The following ANKRD13C variants were observed in gnomAD, a reference collection of about 807,000 sequenced individuals.
The protein encoded by ANKRD13C is ankyrin repeat domain-containing protein 13C.
A neutral mutation model predicts 65.5 loss-of-function variants in ANKRD13C; 16 were observed. That is an observed-to-expected ratio of 0.24 (90% CI 0.17 to 0.37). The LOEUF (loss-of-function observed/expected upper bound fraction) is 0.37. Among genes scored for constraint, ANKRD13C ranks in the 10% least tolerant of loss-of-function variants. ANKRD13C has a pLI of 1.00. For missense variants in ANKRD13C, 503 were observed against 655.9 expected (o/e 0.77, Z 2.55); for synonymous variants, 235 against 238.7 (o/e 0.98, Z 0.14).
In ANKRD13C at chr1:70,287,605, CT is replaced by C. The variant is rs548214472; in HGVS notation, c.1215+4782del. Among the ~76,000 whole-genome samples the C allele has an allele frequency of 1.1e-4, 16 of 152,180 alleles. No homozygotes were observed. The South Asian group carries it at 3.1e-3, about 30-fold the overall frequency. ...AATTCGATGTCATCAAAATGATAAA[CT>C]TTTTTTCAATGAAAGCCCACTTTGA... On this transcript the variant is annotated intron_variant, in intron 9 of 12. Transcript: ENST00000370944.
chr1:70,324,893 G>A lies in ANKRD13C; in HGVS notation c.537C>T (p.Ser179=), dbSNP rs747403148. The A allele has an allele frequency of 1.2e-6, 2 of 1,611,368 alleles. No individual in the cohort carries two copies. The highest frequency in any genetic ancestry group is 2.2e-5 in the South Asian group (2 of 90,562). The change falls in exon 3 of 13, where the codon AGC becomes AGT. Residue 179 remains serine (S), a synonymous_variant. Coordinates refer to ENST00000370944, the MANE Select transcript of ANKRD13C (RefSeq NM_030816.5). ...CATAGCTGATGGCTTCCGCCAGAGG[G>A]CTCCATCCCTGAGCATTTTTCACCT... is the stretch of plus-strand genomic sequence containing the variant. ...PVKVKNAQGW[S]PLAEAISYGD... is the part of the protein sequence containing the mutation.
intron 5 of ANKRD13C, among the ~76,000 whole-genome samples, chr1:70,307,094 G>A (rs1319588001): frequency 6.6e-6 from 1 of 152,062 alleles, no homozygotes; most frequent in African/African-American, 2.4e-5. Flanking sequence ...TGTAAGATAC[G>A]GCAGATATAT....
intron 2 of ANKRD13C, among the ~76,000 whole-genome samples, chr1:70,326,501 T>C (rs1479369800): frequency 6.6e-6 from 1 of 151,952 alleles, no homozygotes; most frequent in East Asian, 1.9e-4. Context: ...TTGGCTAAGG[T>C]GGGGAACAAA....
At chr1:70,264,717 C>A (rs1678535855) in intron 12 of ANKRD13C, among the ~76,000 whole-genome samples, 1 of 151,900 alleles carries the variant, frequency 6.6e-6, no homozygotes. Flanking sequence ...AAATAAGAAA[C>A]AAAATTCATG....
intron 1 of ANKRD13C, among the ~76,000 whole-genome samples, chr1:70,347,358 A>C (rs745535130): frequency 6.7e-6 from 1 of 149,772 alleles, no homozygotes. Context: ...CATTCTGATA[A>C]TTACACTGTA....
At chr1:70,324,496 G>A (rs1681449216) in intron 3 of ANKRD13C, among the ~76,000 whole-genome samples, 1 of 152,098 alleles carries the variant, frequency 6.6e-6, no homozygotes, top group Admixed American at 6.6e-5. Context: ...TAACACTATG[G>A]TTATTTTTAG....
chr1:70,268,883 G>GT (rs985213533), intron 12 of ANKRD13C, among the ~76,000 whole-genome samples: 5 of 151,406 alleles, frequency 3.3e-5, no homozygotes, highest in South Asian at 4.2e-4. Flanking sequence ...TGATTTTTTA[G>GT]TTTTTTTTTA....
rs371046862 is a variant in ANKRD13C, at chr1:70,354,002, T to C, written c.407A>G (p.Asn136Ser). ...ACCGTGATTATCTTTCTGCCCGATA[T>C]TGTGCGTGCGGATGAGAGAGGAGAG... ...RRLSSLIRTH[N>S]IGQKDNHGNT... is the part of the protein sequence containing the mutation. Residue 136 changes from asparagine (N) to serine (S), a missense_variant, in exon 1 of 13, where the codon AAT becomes AGT. By Grantham distance (46) the Asn-to-Ser change is conservative. This residue lies in a region of ANKRD13C where 300 missense variants were observed against 478.3 expected (regional missense o/e 0.63). Coordinates refer to ENST00000370944, the MANE Select transcript of ANKRD13C (RefSeq NM_030816.5). The C allele has an allele frequency of 2.7e-5, 42 of 1,540,888 alleles. No individual in the cohort carries two copies. The highest frequency in any genetic ancestry group is 2.1e-4 in the African/African-American group (15 of 72,920).
At chr1:70,353,490 C>G (rs764336077) in intron 1 of ANKRD13C, among the ~76,000 whole-genome samples, 2 of 152,044 alleles carry the variant, frequency 1.3e-5, no homozygotes, top group African/African-American at 2.4e-5. Flanking sequence ...TTACTGAAAG[C>G]AGACAAAAAA....
chr1:70,327,629 A>C (rs1202412884), intron 2 of ANKRD13C, among the ~76,000 whole-genome samples: 2 of 152,214 alleles, frequency 1.3e-5, no homozygotes, highest in Admixed American at 6.5e-5. Context: ...TATTTTAACA[A>C]TATCATTAAT....
At chr1:70,332,306 A>G (rs1187681660) in intron 2 of ANKRD13C, among the ~76,000 whole-genome samples, 1 of 152,232 alleles carries the variant, frequency 6.6e-6, no homozygotes, top group Non-Finnish European at 1.5e-5. Flanking sequence ...TCCACAACAA[A>G]GAAAACTTTT....
At chr1:70,307,902 TCATGCCA>T (rs1680652888) in intron 5 of ANKRD13C, among the ~76,000 whole-genome samples, 1 of 152,044 alleles carries the variant, frequency 6.6e-6, no homozygotes, top group South Asian at 2.1e-4. Context: ...TGGGCTATGA[TCATGCCA>T]CTGCACTCCA....
intron 7 of ANKRD13C, among the ~76,000 whole-genome samples, chr1:70,300,254 A>G (rs1387300810): frequency 1.3e-5 from 2 of 152,176 alleles, no homozygotes; most frequent in African/African-American, 4.8e-5. Flanking sequence ...AGCAGGCTCA[A>G]TGGACCGGTC....
At position 70,282,975 on chromosome 1, in the gene ANKRD13C, C is replaced by T. The variant is rs1019449196; in HGVS notation, c.1216-6131G>A. Among the ~76,000 whole-genome samples the T allele has an allele frequency of 5.9e-5, 9 of 152,244 alleles. No homozygotes were observed. In the South Asian group the frequency reaches 1.0e-3, roughly 18 times the overall value. ...GGTAATAACTTTTCCAAGTAAGTTT[C>T]TACCATTTCCAAATAAATTCTTTCT... On this transcript the variant is annotated intron_variant, in intron 9 of 12. Coordinates refer to ENST00000370944, the MANE Select transcript of ANKRD13C (RefSeq NM_030816.5).
intron 6 of ANKRD13C, among the ~76,000 whole-genome samples, chr1:70,301,967 C>T (rs1054753089): frequency 6.6e-6 from 1 of 151,996 alleles, no homozygotes; most frequent in African/African-American, 2.4e-5. Context: ...TTTAAGGCTC[C>T]GTGAAAAATC....
Position 70,260,391 on chromosome 1 carries a change from C to T in ANKRD13C, c.*2326G>A, listed in dbSNP as rs1310243695. 1.3e-5 allele frequency among the ~76,000 whole-genome samples: 2 copies of T among 152,208 alleles called. No homozygotes were observed. The highest frequency in any genetic ancestry group is 1.9e-4 in the East Asian group (1 of 5,184). ...TAAATGGCTATTGAAGATGACTATA[C>T]GATTGTCCCCCTACCAATTTAAACA... On this transcript the variant is annotated 3_prime_UTR_variant, in exon 13 of 13. Coordinates refer to ENST00000370944, the MANE Select transcript of ANKRD13C (RefSeq NM_030816.5).
At chr1:70,263,950 C>T (rs1678494410) in intron 12 of ANKRD13C, among the ~76,000 whole-genome samples, 1 of 152,008 alleles carries the variant, frequency 6.6e-6, no homozygotes, top group African/African-American at 2.4e-5. Context: ...AAAAGGAAAA[C>T]AAAATACCTT....
chr1:70,343,519 A>C (rs894384196), intron 1 of ANKRD13C, among the ~76,000 whole-genome samples: 1 of 152,222 alleles, frequency 6.6e-6, no homozygotes. Flanking sequence ...CAAGTGAAAA[A>C]CATCCAGTAA....
At chr1:70,286,497 C>T (rs1451241264) in intron 9 of ANKRD13C, among the ~76,000 whole-genome samples, 3 of 151,830 alleles carry the variant, frequency 2.0e-5, no homozygotes, top group Non-Finnish European at 4.4e-5. Flanking sequence ...ATAAAAAAGT[C>T]CCTTCCAAGA....
Sources: gnomAD v4.1 joint callset for allele counts (sites outside exome capture counted in the v4.1 genomes callset) on GRCh38, gnomAD v4.1.1 for gene constraint, gnomAD v4.1.1 regional missense constraint, MANE v1.5 for transcripts, NCBI Gene and HGNC (gene_info 2026-07-23, HGNC 2026-07-21) for gene names.